TENM1: variants seen among roughly 807,000 people sequenced by gnomAD.
TENM1 encodes the protein teneurin-1.
A neutral mutation model predicts 174.8 loss-of-function variants in TENM1; 35 were observed. The observed-to-expected ratio is 0.20, with a 90% CI of 0.15 to 0.27. The LOEUF is 0.27. Ranked by LOEUF, TENM1 falls within the 10% of genes least tolerant of loss-of-function variation. The probability of loss-of-function intolerance (pLI) is 1.00; values close to 1 mark genes in which losing one functional copy is unlikely to be tolerated. For synonymous variants in TENM1, 781 were observed against 798.7 expected (o/e 0.98, Z 0.37); for missense variants, 1,633 against 2,130.1 (o/e 0.77, Z 4.59).
intron 1 of TENM1, among the ~76,000 whole-genome samples, chrX:124,942,573 C>G (rs1248958362): frequency 1.8e-5 from 2 of 111,730 alleles, no homozygotes; most frequent in African/African-American, 6.5e-5. Flanking sequence ...TCACTGAATA[C>G]TGGTCATAGC....
At chrX:124,442,876 T>C (rs1184884360) in intron 23 of TENM1, among the ~76,000 whole-genome samples, 1 of 110,511 alleles carries the variant, frequency 9.0e-6, no homozygotes, top group Non-Finnish European at 1.9e-5. Flanking sequence ...TTGCCCAGGT[T>C]GGTCTTGAAC....
intron 18 of TENM1, among the ~76,000 whole-genome samples, chrX:124,517,388 A>G (rs1254088208): frequency 9.1e-6 from 1 of 110,074 alleles, no homozygotes; most frequent in African/African-American, 3.3e-5. Flanking sequence ...CACTATTCAC[A>G]ATAGCAAAGA....
chrX:124,807,173 A>G (rs1012296769), intron 3 of TENM1, among the ~76,000 whole-genome samples: 3 of 111,894 alleles, frequency 2.7e-5, no homozygotes, highest in African/African-American at 9.8e-5. Context: ...GTGCTAAGTC[A>G]TTCATGAGAA....
chrX:124,784,941 C>A (rs2055000822), intron 3 of TENM1, among the ~76,000 whole-genome samples: 1 of 111,312 alleles, frequency 9.0e-6, no homozygotes, highest in Non-Finnish European at 1.9e-5. Context: ...AATTGAATTT[C>A]TCACTTTTTT....
chrX:124,400,883 A>G (rs2060391690), intron 27 of TENM1, among the ~76,000 whole-genome samples: 1 of 112,545 alleles, frequency 8.9e-6, no homozygotes, highest in Non-Finnish European at 1.9e-5. Flanking sequence ...AGATAAGCAG[A>G]TACATGGACT....
chrX:124,943,843 T>C (rs1488848534), intron 1 of TENM1, among the ~76,000 whole-genome samples: 1 of 112,008 alleles, frequency 8.9e-6, no homozygotes, highest in East Asian at 2.8e-4. Context: ...TTGAATGGTA[T>C]TGAAGCAAGC....
At chrX:125,051,900 A>T in the TENM1 span, among the ~76,000 whole-genome samples, 9 of 107,286 alleles carry the variant, frequency 8.4e-5, no homozygotes, top group African/African-American at 3.1e-4. Context: ...CATCAGAGTG[A>T]ACAGGCAACC....
chrX:124,500,131 T>A (rs1349265824), intron 19 of TENM1, among the ~76,000 whole-genome samples: 1 of 111,723 alleles, frequency 9.0e-6, no homozygotes, highest in Non-Finnish European at 1.9e-5. Context: ...AGAAGAATGA[T>A]TAAAGGAAAT....
intron 3 of TENM1, among the ~76,000 whole-genome samples, chrX:124,777,501 A>T (rs1407756759): frequency 9.0e-6 from 1 of 111,670 alleles, no homozygotes; most frequent in Non-Finnish European, 1.9e-5. Context: ...GACTTTGAAG[A>T]ATTGGTAAAG....
chrX:125,133,622 C>A, the TENM1 span, among the ~76,000 whole-genome samples: 52 of 111,224 alleles, frequency 4.7e-4, no homozygotes, highest in African/African-American at 1.6e-3. Flanking sequence ...TTATGTTTGG[C>A]TTTATTCTAA....
chrX:125,038,642 T>C, the TENM1 span, among the ~76,000 whole-genome samples: 3 of 111,205 alleles, frequency 2.7e-5, no homozygotes, highest in African/African-American at 6.5e-5. Context: ...GAATATGACA[T>C]GCCTATGTCT....
At chrX:124,746,202 A>C (rs1030916342) in intron 3 of TENM1, among the ~76,000 whole-genome samples, 3 of 112,332 alleles carry the variant, frequency 2.7e-5, no homozygotes, top group African/African-American at 9.7e-5. Flanking sequence ...TTTATAAAAA[A>C]GTTATAGCAA....
intron 3 of TENM1, among the ~76,000 whole-genome samples, chrX:124,762,530 A>G (rs928583782): frequency 9.0e-6 from 1 of 111,665 alleles, no homozygotes; most frequent in African/African-American, 3.3e-5. Flanking sequence ...GCTCACTTGG[A>G]ACTAGGATAT....
chrX:125,093,351 T>C, the TENM1 span, among the ~76,000 whole-genome samples: 1 of 111,502 alleles, frequency 9.0e-6, no homozygotes, highest in Non-Finnish European at 1.9e-5. Flanking sequence ...AGGCAGCCAT[T>C]ATATAAGAAA....
At position 124,481,695 on chromosome X, in the gene TENM1, G is replaced by GTATATATATATATATA. The variant is rs761348190; in HGVS notation, c.3949+21_3949+36dup. The stretch of plus-strand genomic sequence containing the variant: ...AATAAAATCTTTAGATGACCCAAGG[G>GTATATATATATATATA]TATATATATATATATATTTATTTAT... On this transcript the variant is annotated intron_variant, in intron 22 of 31. Coordinates refer to ENST00000422452, the Ensembl canonical transcript of TENM1. 1,466 of 263,122 alleles carry GTATATATATATATATA rather than the reference G, an allele frequency of 5.6e-3. 19 individuals are homozygous for GTATATATATATATATA. Among genetic ancestry groups the GTATATATATATATATA allele is most frequent in the East Asian group, 0.013 (192 of 14,832 alleles). The allele number at this position is 263,122 out of a possible 1,213,427, so 21.7% of individuals were successfully genotyped here.
the TENM1 span, among the ~76,000 whole-genome samples, chrX:125,170,041 T>C: frequency 9.0e-6 from 1 of 111,397 alleles, no homozygotes; most frequent in Non-Finnish European, 1.9e-5. Context: ...TAAGATAAGA[T>C]ACCAAATGTC....
chrX:124,581,681 T>C (rs906156869), intron 11 of TENM1, among the ~76,000 whole-genome samples: 1 of 108,694 alleles, frequency 9.2e-6, no homozygotes, highest in African/African-American at 3.3e-5. Flanking sequence ...TCCTTTTTCT[T>C]CACAGCCTCA....
rs200141105 is a variant in TENM1, at chrX:124,425,995, G to GGTGTGT, written c.4105-3363_4105-3358dup. The stretch of plus-strand genomic sequence containing the variant: ...TTAAAGAGTTGGAAGCAAAAGGACT[G>GGTGTGT]GTGTGTGTGTGTGTGTGTGTGTGTG... On this transcript the variant is annotated intron_variant, in intron 23 of 31. Transcript: ENST00000422452. Among the ~76,000 whole-genome samples, 530 of 87,994 alleles carry GGTGTGT rather than the reference G, an allele frequency of 6.0e-3. 4 individuals are homozygous for GGTGTGT. The highest frequency in any genetic ancestry group is 0.02 in the African/African-American group (480 of 24,112). 76.4% of individuals were successfully genotyped at this position (87,994 alleles called of 115,157 possible).
the TENM1 span, among the ~76,000 whole-genome samples, chrX:125,072,491 T>C: frequency 5.4e-5 from 6 of 111,684 alleles, no homozygotes; most frequent in Non-Finnish European, 1.1e-4. Context: ...TAATAACTTC[T>C]CACTTCATTT....
Sources: gnomAD v4.1 joint callset for allele counts (sites outside exome capture counted in the v4.1 genomes callset) on GRCh38, gnomAD v4.1.1 for gene constraint, MANE v1.5 for transcripts, NCBI Gene and HGNC (gene_info 2026-07-23, HGNC 2026-07-21) for gene names.